The following MAP2K5 variants were observed in gnomAD, a reference collection of about 807,000 sequenced individuals.
MAP2K5 encodes mitogen-activated protein kinase kinase 5.
Under a neutral mutation model 83.1 loss-of-function variants are expected in MAP2K5, and 49 were observed. The ratio of observed to expected loss-of-function variants is 0.59; its 90% CI spans 0.47 to 0.75. The LOEUF (loss-of-function observed/expected upper bound fraction) is 0.75. Ranked by LOEUF, MAP2K5 falls within the 30% of genes least tolerant of loss-of-function variation. MAP2K5 has a pLI of 0.00. For missense variants in MAP2K5, 457 were observed against 557.5 expected (o/e 0.82, Z 1.82); for synonymous variants, 202 against 191.8 (o/e 1.05, Z -0.44).
intron 21 of MAP2K5, among the ~76,000 whole-genome samples, chr15:67,796,440 A>G (rs2090605646): frequency 6.6e-6 from 1 of 152,172 alleles, no homozygotes; most frequent in Non-Finnish European, 1.5e-5. Context: ...GCAAGAGGGG[A>G]GCTGGCACAT....
At chr15:67,728,803 G>C (rs2089160128) in intron 17 of MAP2K5, among the ~76,000 whole-genome samples, 1 of 152,200 alleles carries the variant, frequency 6.6e-6, no homozygotes, top group Non-Finnish European at 1.5e-5. Flanking sequence ...TTTATGCATG[G>C]TTAGATTATG....
rs1275348952 is a variant in MAP2K5 at position 67,777,579 on chromosome 15, A to G, written c.1242+4827A>G. Reference sequence around the variant, plus strand: ...CATATTAAAAACATATACCCATTCTATCTGTATGTAAATGCGTGAGGCACA... The same window carrying G: ...CATATTAAAAACATATACCCATTCTGTCTGTATGTAAATGCGTGAGGCACA... On this transcript the variant is annotated intron_variant, in intron 21 of 21. Coordinates refer to ENST00000178640, the MANE Select transcript of MAP2K5 (RefSeq NM_145160.3). The surrounding 1 kb of genome is among the most constrained non-coding windows in gnomAD (Gnocchi z 6.0). 6.6e-6 allele frequency among the ~76,000 whole-genome samples: 1 copy of G among 152,150 alleles called. No individual in the cohort carries two copies. The highest frequency in any genetic ancestry group is 1.5e-5 in the Non-Finnish European group (1 of 68,034).
chr15:67,624,294 G>A (rs964425624), intron 8 of MAP2K5, among the ~76,000 whole-genome samples: 82 of 145,418 alleles, frequency 5.6e-4, no homozygotes, highest in Non-Finnish European at 2.2e-4. Context: ...AGCCGAGATC[G>A]CGCTGCTGCA....
At chr15:67,718,771 A>AT (rs1318620277) in intron 16 of MAP2K5, among the ~76,000 whole-genome samples, 1 of 152,210 alleles carries the variant, frequency 6.6e-6, no homozygotes, top group African/African-American at 2.4e-5. Context: ...CTCAAAAAAT[A>AT]TTTTTTATGG....
chr15:67,687,317 T>G (rs772006387), intron 13 of MAP2K5, among the ~76,000 whole-genome samples: 1 of 152,214 alleles, frequency 6.6e-6, no homozygotes, highest in Non-Finnish European at 1.5e-5. Flanking sequence ...ATTTTTTAAA[T>G]ATGCACAGCC....
intron 2 of MAP2K5, among the ~76,000 whole-genome samples, chr15:67,554,000 G>C (rs1480440549): frequency 6.6e-6 from 1 of 151,268 alleles, no homozygotes; most frequent in East Asian, 1.9e-4. Context: ...AGTGGCTTAT[G>C]GGTATAATGG....
chr15:67,682,527 G>C, intron 13 of MAP2K5, among the ~76,000 whole-genome samples: 1 of 150,308 alleles, frequency 6.7e-6, no homozygotes, highest in Non-Finnish European at 1.5e-5. Context: ...CTGGCCCCTG[G>C]AGCTATTCTT....
intron 8 of MAP2K5, among the ~76,000 whole-genome samples, chr15:67,608,200 T>C (rs2141038705): frequency 6.6e-6 from 1 of 152,304 alleles, no homozygotes; most frequent in Admixed American, 6.5e-5. Context: ...AGGCATAACA[T>C]CAGGGACTGA....
chr15:67,723,987 C>T (rs1399509156), intron 16 of MAP2K5, among the ~76,000 whole-genome samples: 8 of 152,118 alleles, frequency 5.3e-5, no homozygotes, highest in Non-Finnish European at 1.2e-4. Flanking sequence ...AAATACAGTG[C>T]AACTCATAAG....
At chr15:67,630,009 G>A (rs6494676) in intron 8 of MAP2K5, among the ~76,000 whole-genome samples, 124,301 of 152,112 alleles carry the variant, frequency 0.82, 50,952 homozygotes, top group Admixed American at 0.88. Flanking sequence ...AGACTGAGGT[G>A]GGAGCATCAC....
At chr15:67,707,714 T>C (rs551765647) in intron 16 of MAP2K5, among the ~76,000 whole-genome samples, 3 of 152,094 alleles carry the variant, frequency 2.0e-5, no homozygotes, top group South Asian at 4.1e-4. Flanking sequence ...CACAAAGGAA[T>C]TGACATTTAA....
intron 7 of MAP2K5, among the ~76,000 whole-genome samples, chr15:67,598,013 C>T (rs893055070): frequency 1.1e-4 from 17 of 151,754 alleles, no homozygotes; most frequent in African/African-American, 3.1e-4. Context: ...GAGACCAGCC[C>T]GGATATCATG....
chr15:67,719,957 A>G lies in MAP2K5; in HGVS notation c.1045-7959A>G, dbSNP rs1461499502. 6.6e-6 allele frequency among the ~76,000 whole-genome samples: 1 copy of G among 152,154 alleles called. No individual in the cohort carries two copies. The highest frequency in any genetic ancestry group is 1.5e-5 in the Non-Finnish European group (1 of 68,026). On this transcript the variant is annotated intron_variant, in intron 16 of 21. Coordinates refer to ENST00000178640, the MANE Select transcript of MAP2K5 (RefSeq NM_145160.3). The surrounding 1 kb of genome is among the most constrained non-coding windows in gnomAD (Gnocchi z 4.6). The stretch of plus-strand genomic sequence containing the variant: ...TTGCCATTGTTTTTAACTGACTTTT[A>G]GAGATTTAGTTATATACCCAGATAT...
At position 67,778,815 on chromosome 15, in the gene MAP2K5, G is replaced by A. The variant is rs1471354753; in HGVS notation, c.1242+6063G>A. 5.3e-5 allele frequency among the ~76,000 whole-genome samples: 8 copies of A among 152,262 alleles called. No individual in the cohort carries two copies. The highest frequency in any genetic ancestry group is 7.3e-5 in the Non-Finnish European group (5 of 68,030). ...TCCGGGGCTTACCTGTGCCCTGAGC[G>A]CAAATATGAAGAAAGGTGCATTTCC... On this transcript the variant is annotated intron_variant, in intron 21 of 21. Coordinates refer to ENST00000178640, the MANE Select transcript of MAP2K5 (RefSeq NM_145160.3). This position sits in a 1 kb window ranked among gnomAD's most constrained non-coding sequence, Gnocchi z 5.0.
In MAP2K5 at chr15:67,719,799, G is replaced by A. The variant is rs978857493; in HGVS notation, c.1045-8117G>A. On this transcript the variant is annotated intron_variant, in intron 16 of 21. Transcript: ENST00000178640. The surrounding 1 kb of genome is among the most constrained non-coding windows in gnomAD (Gnocchi z 4.6). ...TGCATTTTGAGCTATGCAAACATTTGAAGAACATTCATTTTTCAATTAGAA... is the reference window on the plus strand; with the variant it reads ...TGCATTTTGAGCTATGCAAACATTTAAAGAACATTCATTTTTCAATTAGAA... Among the ~76,000 whole-genome samples the A allele has an allele frequency of 6.6e-6, 1 of 152,176 alleles. No individual in the cohort carries two copies. Among genetic ancestry groups the A allele is most frequent in the Non-Finnish European group, 1.5e-5 (1 of 68,036 alleles).
At chr15:67,662,190 A>T (rs1386525541) in intron 12 of MAP2K5, among the ~76,000 whole-genome samples, 3 of 152,170 alleles carry the variant, frequency 2.0e-5, no homozygotes, top group Non-Finnish European at 4.4e-5. Context: ...CAATTAAAAT[A>T]TGTTAACTTC....
chr15:67,742,406 C>A (rs567359155), intron 17 of MAP2K5, among the ~76,000 whole-genome samples: 1 of 152,144 alleles, frequency 6.6e-6, no homozygotes, highest in Admixed American at 6.5e-5. Flanking sequence ...CCGGAAAAAC[C>A]CTCTCAGACA....
intron 3 of MAP2K5, among the ~76,000 whole-genome samples, chr15:67,570,613 C>G (rs994483606): frequency 3.9e-5 from 6 of 152,276 alleles, no homozygotes; most frequent in South Asian, 2.1e-4. Flanking sequence ...AAAGGAAAAG[C>G]CTCTTAATGT....
intron 3 of MAP2K5, among the ~76,000 whole-genome samples, chr15:67,571,533 G>A (rs1185428726): frequency 2.0e-5 from 3 of 151,858 alleles, no homozygotes; most frequent in Non-Finnish European, 4.4e-5. Context: ...CTATTGTTGC[G>A]AACATGTTTC....
Sources: gnomAD v4.1 joint callset for allele counts (sites outside exome capture counted in the v4.1 genomes callset) on GRCh38, gnomAD v4.1.1 for gene constraint, Gnocchi (gnomAD v3.1) non-coding constraint, MANE v1.5 for transcripts, NCBI Gene and HGNC (gene_info 2026-07-23, HGNC 2026-07-21) for gene names.